Variants in SKAP2 observed in about 807,000 individuals in gnomAD.
SKAP2 encodes src kinase associated phosphoprotein 2, also known as src kinase-associated phosphoprotein 2.
Under a neutral mutation model 54.9 loss-of-function variants are expected in SKAP2, and 28 were observed. The observed-to-expected ratio is 0.51, with a 90% CI of 0.38 to 0.70. SKAP2 has a LOEUF of 0.70. SKAP2 is among the 30% of genes least tolerant of loss of function. The pLI, the probability that SKAP2 is intolerant of heterozygous loss-of-function variation, is 0.00. For synonymous variants in SKAP2, 137 were observed against 134.3 expected, an observed-to-expected ratio of 1.02 and a Z score of -0.14; for missense variants, 356 against 424.1, an observed-to-expected ratio of 0.84 and a Z score of 1.41.
chr7:26,826,878 C>T (rs17375272), intron 4 of SKAP2, among the ~76,000 whole-genome samples: 32,183 of 152,020 alleles, frequency 0.21, 3,493 homozygotes, highest in Non-Finnish European at 0.24. Flanking sequence ...TTGCCTAAAA[C>T]GTACACTATT....
chr7:26,756,337 C>T (rs1782792092), intron 4 of SKAP2, among the ~76,000 whole-genome samples: 1 of 152,126 alleles, frequency 6.6e-6, no homozygotes, highest in Non-Finnish European at 1.5e-5. Flanking sequence ...CTCCTCCCGC[C>T]CCACAACAGG....
chr7:26,858,938 T>TA (rs1469878334), intron 1 of SKAP2, among the ~76,000 whole-genome samples: 2 of 151,980 alleles, frequency 1.3e-5, no homozygotes, highest in Non-Finnish European at 2.9e-5. Flanking sequence ...GTCACAAAGG[T>TA]AACACCTCCT....
intron 11 of SKAP2, among the ~76,000 whole-genome samples, chr7:26,675,695 G>A (rs1786335545): frequency 6.6e-6 from 1 of 152,150 alleles, no homozygotes; most frequent in African/African-American, 2.4e-5. Flanking sequence ...TTTCTTTTGT[G>A]TATATTAGGC....
chr7:26,819,951 TTATAA>T (rs1784356637), intron 4 of SKAP2, among the ~76,000 whole-genome samples: 1 of 152,202 alleles, frequency 6.6e-6, no homozygotes, highest in Non-Finnish European at 1.5e-5. Flanking sequence ...GTAAGTTTTC[TTATAA>T]TATTCTATGT....
chr7:26,773,069 C>T (rs1468695680), intron 4 of SKAP2, among the ~76,000 whole-genome samples: 2 of 152,174 alleles, frequency 1.3e-5, no homozygotes, highest in Admixed American at 1.3e-4. Flanking sequence ...TCCAGAAATA[C>T]ACTCTGCATG....
chr7:26,839,959 CATTGGATTTTTGT>C (rs1784787277), intron 4 of SKAP2, among the ~76,000 whole-genome samples: 1 of 151,866 alleles, frequency 6.6e-6, no homozygotes, highest in Non-Finnish European at 1.5e-5. Flanking sequence ...AATTTTTGTA[CATTGGATTTTTGT>C]AAAGAAAAGT....
intron 4 of SKAP2, among the ~76,000 whole-genome samples, chr7:26,791,450 A>T (rs753271850): frequency 1.3e-5 from 2 of 152,070 alleles, no homozygotes; most frequent in Non-Finnish European, 2.9e-5. Flanking sequence ...TTCAGGGATT[A>T]TAGGTGTGAA....
intron 4 of SKAP2, among the ~76,000 whole-genome samples, chr7:26,746,255 A>C (rs542509212): frequency 1.3e-4 from 20 of 152,320 alleles, no homozygotes; most frequent in African/African-American, 4.6e-4. Context: ...TCATTCCACA[A>C]GTGCAGTTTA....
intron 9 of SKAP2, among the ~76,000 whole-genome samples, chr7:26,691,400 A>C (rs2127940810): frequency 6.6e-6 from 1 of 152,396 alleles, no homozygotes. Flanking sequence ...ATGCCAAAGA[A>C]AAACTGGATT....
intron 6 of SKAP2, among the ~76,000 whole-genome samples, chr7:26,731,196 T>C (rs944667460): frequency 9.8e-5 from 15 of 152,344 alleles, no homozygotes; most frequent in Admixed American, 7.8e-4. Context: ...TAACACAGAA[T>C]TGGCTACCAC....
intron 4 of SKAP2, among the ~76,000 whole-genome samples, chr7:26,835,928 T>G (rs985076630): frequency 1.3e-5 from 2 of 152,066 alleles, no homozygotes; most frequent in African/African-American, 4.8e-5. Flanking sequence ...CATCACGCTA[T>G]CTGACTTCAA....
intron 9 of SKAP2, among the ~76,000 whole-genome samples, chr7:26,702,434 C>T (rs192018065): frequency 2.6e-5 from 4 of 152,242 alleles, no homozygotes; most frequent in East Asian, 3.9e-4. Flanking sequence ...TGAGCCACTG[C>T]GCCCAGCCAT....
chr7:26,782,233 T>G (rs1421023759), intron 4 of SKAP2, among the ~76,000 whole-genome samples: 4 of 152,166 alleles, frequency 2.6e-5, no homozygotes, highest in Non-Finnish European at 5.9e-5. Flanking sequence ...AAAAGTCACC[T>G]GGTAATTATT....
At chr7:26,766,684 G>A (rs190150896) in intron 4 of SKAP2, among the ~76,000 whole-genome samples, 9 of 151,990 alleles carry the variant, frequency 5.9e-5, no homozygotes, top group African/African-American at 1.4e-4. Flanking sequence ...AGCATGAAGG[G>A]CTGTTTTTAT....
At chr7:26,838,819 T>C (rs1784764359) in intron 4 of SKAP2, among the ~76,000 whole-genome samples, 1 of 152,216 alleles carries the variant, frequency 6.6e-6, no homozygotes, top group South Asian at 2.1e-4. Context: ...GTAGTATTTA[T>C]TATTTTTGGA....
intron 6 of SKAP2, among the ~76,000 whole-genome samples, chr7:26,737,049 T>C (rs548815474): frequency 6.6e-6 from 1 of 152,342 alleles, no homozygotes; most frequent in Non-Finnish European, 1.5e-5. Flanking sequence ...CATTGTTATA[T>C]GCCAGTCAGG....
At chr7:26,670,307 G>A in intron 11 of SKAP2, 115 bp from the exon 12 acceptor site, 1 of 586,650 alleles carries the variant, frequency 1.7e-6, no homozygotes, top group Non-Finnish European at 3.1e-6. Flanking sequence ...AGCTTGAGCT[G>A]CAAATGTAAA....
intron 4 of SKAP2, among the ~76,000 whole-genome samples, chr7:26,811,833 C>T (rs1298589693): frequency 6.6e-6 from 1 of 152,006 alleles, no homozygotes; most frequent in African/African-American, 2.4e-5. Flanking sequence ...TTTTAAAATG[C>T]CATTTTGCAA....
chr7:26,840,242 T>C (rs2127994851), intron 4 of SKAP2, among the ~76,000 whole-genome samples: 1 of 152,198 alleles, frequency 6.6e-6, no homozygotes, highest in Non-Finnish European at 1.5e-5. Flanking sequence ...GTTTCAGATT[T>C]TTATCCACAA....
Sources: allele counts gnomAD v4.1 joint callset (sites outside exome capture counted in the v4.1 genomes callset), GRCh38; gene constraint gnomAD v4.1.1; transcripts MANE v1.5; gene names NCBI Gene and HGNC (gene_info 2026-07-23, HGNC 2026-07-21).